Variants in CECR2 observed in about 807,000 individuals in gnomAD.
CECR2 encodes the protein chromatin remodeling regulator CECR2.
A neutral mutation model predicts 154.5 loss-of-function variants in CECR2; 30 were observed. That is an observed-to-expected ratio of 0.19 (90% confidence interval 0.15 to 0.26). CECR2 has a LOEUF of 0.26. Ranked by LOEUF, CECR2 falls within the 10% of genes least tolerant of loss-of-function variation. CECR2 has a pLI of 1.00. For synonymous variants in CECR2, 725 were observed against 683.7 expected (o/e 1.06, Z -0.94); for missense variants, 1,743 against 1,829.3 (o/e 0.95, Z 0.86).
At chr22:17,490,997 G>T (rs971827270) in intron 2 of CECR2, among the ~76,000 whole-genome samples, 3 of 152,038 alleles carry the variant, frequency 2.0e-5, no homozygotes, top group African/African-American at 7.2e-5. Context: ...TTTGTATCTG[G>T]CTTTTTTCAC....
chr22:17,533,016 A>G (rs2056382027), intron 9 of CECR2, among the ~76,000 whole-genome samples: 1 of 151,878 alleles, frequency 6.6e-6, no homozygotes, highest in South Asian at 2.1e-4. Context: ...GAACAATTTT[A>G]TTAAAAGATA....
intron 1 of CECR2, among the ~76,000 whole-genome samples, chr22:17,456,867 CAT>C (rs1365634458): frequency 9.9e-5 from 15 of 152,190 alleles, no homozygotes; most frequent in African/African-American, 1.9e-4. Context: ...TCTGGGGCCT[CAT>C]GTGCACTCTT....
At chr22:17,492,067 C>G (rs1430870617) in intron 2 of CECR2, among the ~76,000 whole-genome samples, 1 of 152,172 alleles carries the variant, frequency 6.6e-6, no homozygotes. Flanking sequence ...CATACAGAAT[C>G]TTTTACTTGT....
chr22:17,467,878 A>C (rs1263559202), intron 1 of CECR2, among the ~76,000 whole-genome samples: 1 of 152,220 alleles, frequency 6.6e-6, no homozygotes, highest in Non-Finnish European at 1.5e-5. Flanking sequence ...GGGTCATCAG[A>C]AAGAGAACTG....
chr22:17,480,988 C>T (rs2055301459), intron 2 of CECR2, among the ~76,000 whole-genome samples: 1 of 147,876 alleles, frequency 6.8e-6, no homozygotes, highest in Non-Finnish European at 1.5e-5. Flanking sequence ...TGCAGTGAGC[C>T]AAGATCGCAC....
chr22:17,472,487 C>G (rs547402575), intron 1 of CECR2, among the ~76,000 whole-genome samples: 1 of 152,242 alleles, frequency 6.6e-6, no homozygotes, highest in South Asian at 2.1e-4. Flanking sequence ...TGTCCTTTGA[C>G]AGAGATACTA....
At chr22:17,539,635 T>C (rs1056076439) in intron 13 of CECR2, among the ~76,000 whole-genome samples, 3 of 152,102 alleles carry the variant, frequency 2.0e-5, no homozygotes, top group African/African-American at 7.2e-5. Context: ...CTGCACGTTG[T>C]GCACATGTAC....
chr22:17,367,140 C>G (rs2063006349), upstream of CECR2, among the ~76,000 whole-genome samples: 1 of 151,990 alleles, frequency 6.6e-6, no homozygotes, highest in Non-Finnish European at 1.5e-5. Flanking sequence ...TGGCAGTAGG[C>G]GGAGGAGGCA....
chr22:17,479,113 T>G (rs928798139), intron 2 of CECR2, among the ~76,000 whole-genome samples: 1 of 152,248 alleles, frequency 6.6e-6, no homozygotes, highest in East Asian at 1.9e-4. Context: ...TTAGCTGTTA[T>G]AAACATATAT....
chr22:17,438,742 C>T (rs141176239), intron 1 of CECR2, among the ~76,000 whole-genome samples: 5 of 152,070 alleles, frequency 3.3e-5, no homozygotes, highest in African/African-American at 1.2e-4. Flanking sequence ...ATTGAACAAC[C>T]CTGTCATAAG....
intron 13 of CECR2, among the ~76,000 whole-genome samples, chr22:17,540,042 G>T (rs1424938365): frequency 6.6e-6 from 1 of 152,080 alleles, no homozygotes; most frequent in African/African-American, 2.4e-5. Context: ...TTCTTGCCCA[G>T]TCCAGTCTTG....
At chr22:17,443,174 A>T (rs923314684) in intron 1 of CECR2, among the ~76,000 whole-genome samples, 5 of 152,178 alleles carry the variant, frequency 3.3e-5, no homozygotes, top group Non-Finnish European at 7.3e-5. Flanking sequence ...CCATTCTACA[A>T]ATCCTTAAAT....
At position 17,524,034 on chromosome 22, in the gene CECR2, A is replaced by C. The variant is rs1369393204; in HGVS notation, c.955-84A>C. The C allele has an allele frequency of 9.9e-6, 11 of 1,113,394 alleles. No homozygotes were observed. In the East Asian group the frequency reaches 2.9e-4, roughly 29 times the overall value. The allele number at this position is 1,113,394 out of a possible 1,614,324, so 69.0% of individuals were successfully genotyped here. A position where few individuals can be genotyped will look rare whatever the true frequency, so the allele number is the denominator to read the frequency against. On this transcript the variant is annotated intron_variant, in intron 8 of 18. Coordinates refer to ENST00000262608, the MANE Select transcript of CECR2 (RefSeq NM_001290047.2). Reference sequence around the variant, plus strand: ...TCCCTAGCTAATATTATTTGTTGAAAATACTGAATTCAATGAACTGAGAGC... The same window carrying C: ...TCCCTAGCTAATATTATTTGTTGAACATACTGAATTCAATGAACTGAGAGC...
At chr22:17,458,221 C>T (rs1461647688) in intron 1 of CECR2, among the ~76,000 whole-genome samples, 1 of 152,036 alleles carries the variant, frequency 6.6e-6, no homozygotes, top group Non-Finnish European at 1.5e-5. Flanking sequence ...TCCAGACCAG[C>T]CTGGCCAAGA....
At chr22:17,544,015 C>CT (rs1188464857) in intron 16 of CECR2, among the ~76,000 whole-genome samples, 1 of 152,208 alleles carries the variant, frequency 6.6e-6, no homozygotes, top group Non-Finnish European at 1.5e-5. Flanking sequence ...CCCAGACAGA[C>CT]TAGATCCAGC....
intron 16 of CECR2, among the ~76,000 whole-genome samples, chr22:17,546,678 T>TA (rs1211207893): frequency 6.6e-6 from 1 of 152,088 alleles, no homozygotes; most frequent in African/African-American, 2.4e-5. Context: ...AACCTTGTGC[T>TA]TCAGATCTGT....
At position 17,552,885 on chromosome 22, in the gene CECR2, A is replaced by G; in HGVS notation, c.*45A>G. ...CCAAGCAATGGAAAGCTGCACACGAAGACTGGAATGTGGAGAACTGGGGAG... is the reference window on the plus strand; with the variant it reads ...CCAAGCAATGGAAAGCTGCACACGAGGACTGGAATGTGGAGAACTGGGGAG... On this transcript the variant is annotated 3_prime_UTR_variant, in exon 19 of 19. Coordinates refer to ENST00000262608, the MANE Select transcript of CECR2 (RefSeq NM_001290047.2). The G allele has an allele frequency of 6.5e-7, 1 of 1,548,446 alleles. No homozygotes were observed. Among genetic ancestry groups the G allele is most frequent in the Non-Finnish European group, 8.7e-7 (1 of 1,145,906 alleles).
intron 8 of CECR2, among the ~76,000 whole-genome samples, chr22:17,514,995 C>T (rs1401869706): frequency 1.3e-5 from 2 of 150,718 alleles, no homozygotes; most frequent in Non-Finnish European, 2.9e-5. Flanking sequence ...TGCACTCCAG[C>T]CTGGGCGACA....
At chr22:17,525,762 T>A (rs1478664639) in intron 9 of CECR2, among the ~76,000 whole-genome samples, 1 of 152,220 alleles carries the variant, frequency 6.6e-6, no homozygotes, top group Non-Finnish European at 1.5e-5. Context: ...TTGTTTATAT[T>A]TTTTAGTGGA....
Sources: gnomAD v4.1 joint callset for allele counts (sites outside exome capture counted in the v4.1 genomes callset) on GRCh38, gnomAD v4.1.1 for gene constraint, MANE v1.5 for transcripts, NCBI Gene and HGNC (gene_info 2026-07-23, HGNC 2026-07-21) for gene names.